The following CEP70 variants were observed in gnomAD, a reference collection of about 807,000 sequenced individuals.
The protein encoded by CEP70 is centrosomal protein of 70 kDa.
Under a neutral mutation model 90.9 loss-of-function variants are expected in CEP70, and 70 were observed. The observed-to-expected ratio is 0.77, with a 90% CI of 0.64 to 0.94. The LOEUF (loss-of-function observed/expected upper bound fraction) is 0.94, where lower values mean the gene tolerates loss of function less well. Among genes scored for constraint, CEP70 ranks in the 40% least tolerant of loss-of-function variants. The pLI is 0.00. For missense variants in CEP70, 648 were observed against 669.0 expected, an observed-to-expected ratio of 0.97 and a Z score of 0.35; for synonymous variants, 220 against 228.3, an observed-to-expected ratio of 0.96 and a Z score of 0.33.
intron 6 of CEP70, among the ~76,000 whole-genome samples, chr3:138,562,190 A>G (rs2040460166): frequency 6.6e-6 from 1 of 152,114 alleles, no homozygotes; most frequent in Non-Finnish European, 1.5e-5. Context: ...AGCCTCCAAG[A>G]AATATGCGAC....
intron 6 of CEP70, among the ~76,000 whole-genome samples, chr3:138,550,268 G>A (rs1244746392): frequency 1.3e-5 from 2 of 152,186 alleles, no homozygotes; most frequent in Non-Finnish European, 2.9e-5. Flanking sequence ...AATCAAGGAG[G>A]CACCAGAGAA....
intron 3 of CEP70, among the ~76,000 whole-genome samples, 163 bp from the exon 4 acceptor site, chr3:138,571,519 T>C (rs2041175216): frequency 6.6e-6 from 1 of 152,202 alleles, no homozygotes; most frequent in Admixed American, 6.5e-5. Context: ...TTATTGTTTC[T>C]AGCAAAATTA....
chr3:138,548,313 T>C (rs2039367312), intron 6 of CEP70, among the ~76,000 whole-genome samples: 1 of 152,208 alleles, frequency 6.6e-6, no homozygotes, highest in African/African-American at 2.4e-5. Context: ...AAAACACTCC[T>C]GGGGAAACTT....
At chr3:138,566,509 T>G (rs964690972) in intron 6 of CEP70, among the ~76,000 whole-genome samples, 26 of 151,186 alleles carry the variant, frequency 1.7e-4, no homozygotes, top group African/African-American at 6.3e-4. Flanking sequence ...AAAGGAGGAG[T>G]GCATGTCCTT....
In CEP70 at chr3:138,567,199, T is replaced by G. The variant is rs538243956; in HGVS notation, c.465+3119A>C. Among the ~76,000 whole-genome samples, 124 of 152,344 alleles carry G rather than the reference T, an allele frequency of 8.1e-4. 1 individual carries two copies. The highest frequency in any genetic ancestry group is 3.6e-3 in the Admixed American group (55 of 15,304). On this transcript the variant is annotated intron_variant, in intron 6 of 17. Coordinates refer to ENST00000264982, the MANE Select transcript of CEP70 (RefSeq NM_024491.4). Reference sequence around the variant, plus strand: ...ATACCTCAAACATTTGCAAATTTCCTTGACCTCTTTGCATATACATACAAA... The same window carrying G: ...ATACCTCAAACATTTGCAAATTTCCGTGACCTCTTTGCATATACATACAAA...
At chr3:138,497,676 T>A in intron 17 of CEP70, 3 of 983,404 alleles carry the variant, frequency 3.1e-6, no homozygotes, top group Middle Eastern at 5.2e-4. Flanking sequence ...ATAGGTGGTA[T>A]CTTAAGAAAA....
chr3:138,518,402 C>A (rs1380333642), intron 11 of CEP70, among the ~76,000 whole-genome samples: 3 of 152,190 alleles, frequency 2.0e-5, no homozygotes, highest in Non-Finnish European at 2.9e-5. Flanking sequence ...GGTCCCTGAC[C>A]CCCGAGTAGC....
At chr3:138,510,989 T>C (rs371181207) in intron 11 of CEP70, among the ~76,000 whole-genome samples, 22 of 151,962 alleles carry the variant, frequency 1.4e-4, no homozygotes, top group African/African-American at 5.3e-4. Flanking sequence ...GCCTCCCAAG[T>C]AGCTGGGATT....
chr3:138,541,305 C>A (rs1484390264), intron 6 of CEP70, among the ~76,000 whole-genome samples: 4 of 151,032 alleles, frequency 2.6e-5, no homozygotes, highest in Admixed American at 1.3e-4. Flanking sequence ...AAGAAGAAAA[C>A]AAAATATAAA....
intron 6 of CEP70, among the ~76,000 whole-genome samples, chr3:138,555,819 A>G (rs2039964603): frequency 6.6e-6 from 1 of 152,216 alleles, no homozygotes; most frequent in African/African-American, 2.4e-5. Flanking sequence ...GCTGGTGGGA[A>G]TGTAAACTAG....
intron 11 of CEP70, among the ~76,000 whole-genome samples, chr3:138,519,975 G>C (rs1405101856): frequency 1.3e-5 from 2 of 152,134 alleles, no homozygotes; most frequent in African/African-American, 4.8e-5. Flanking sequence ...TCAAAATTAA[G>C]GGATGGAGGA....
chr3:138,530,072 G>T (rs1348836183), intron 8 of CEP70, among the ~76,000 whole-genome samples: 2 of 152,120 alleles, frequency 1.3e-5, no homozygotes, highest in African/African-American at 2.4e-5. Context: ...GATACTGAAG[G>T]ACTCTGTGAA....
chr3:138,560,473 G>GTT lies in CEP70; in HGVS notation c.465+9843_465+9844dup, dbSNP rs373625946. Reference sequence around the variant, plus strand: ...TACTGAGCTAGGTGCAGGAGTTTTTGTTTTTTTTTTTTCATACCCCAGTGG... The same window carrying GTT: ...TACTGAGCTAGGTGCAGGAGTTTTTGTTTTTTTTTTTTTTCATACCCCAGTGG... On this transcript the variant is annotated intron_variant, in intron 6 of 17. Transcript: ENST00000264982. 4.2e-3 allele frequency among the ~76,000 whole-genome samples: 600 copies of GTT among 144,418 alleles called. 3 individuals are homozygous for GTT. The highest frequency in any genetic ancestry group is 0.015 in the African/African-American group (578 of 39,538). The allele number at this position is 144,418 out of a possible 152,430, so 94.7% of individuals were successfully genotyped here. A position where few individuals can be genotyped will look rare whatever the true frequency, so the allele number is the denominator to read the frequency against.
chr3:138,503,755 CA>C (rs2034727705), intron 13 of CEP70, among the ~76,000 whole-genome samples: 1 of 152,272 alleles, frequency 6.6e-6, no homozygotes, highest in African/African-American at 2.4e-5. Flanking sequence ...ACCACCATGG[CA>C]AAGCCCTTCT....
chr3:138,546,156 GA>G (rs2039180833), intron 6 of CEP70, among the ~76,000 whole-genome samples: 1 of 152,092 alleles, frequency 6.6e-6, no homozygotes, highest in Non-Finnish European at 1.5e-5. Flanking sequence ...GTCATCCCCG[GA>G]GGCCCAGCTG....
chr3:138,526,170 G>GT (rs915914862), intron 10 of CEP70, among the ~76,000 whole-genome samples: 132 of 151,342 alleles, frequency 8.7e-4, no homozygotes, highest in African/African-American at 2.8e-3. Flanking sequence ...GTTGTTTTTT[G>GT]TTTTTTTTGA....
At chr3:138,537,661 C>T (rs1020014079) in intron 6 of CEP70, among the ~76,000 whole-genome samples, 3 of 152,086 alleles carry the variant, frequency 2.0e-5, no homozygotes, top group Non-Finnish European at 2.9e-5. Flanking sequence ...TTTAAGTTTA[C>T]ATTAAAACAA....
At chr3:138,545,121 T>TG (rs1441617914) in intron 6 of CEP70, among the ~76,000 whole-genome samples, 1 of 152,198 alleles carries the variant, frequency 6.6e-6, no homozygotes, top group East Asian at 1.9e-4. Context: ...TCATTTACCT[T>TG]GATTTGATAA....
intron 6 of CEP70, among the ~76,000 whole-genome samples, chr3:138,545,121 T>G (rs2107888429): frequency 6.6e-6 from 1 of 152,316 alleles, no homozygotes; most frequent in South Asian, 2.1e-4. Flanking sequence ...TCATTTACCT[T>G]GATTTGATAA....
Sources: gnomAD v4.1 joint callset for allele counts (sites outside exome capture counted in the v4.1 genomes callset) on GRCh38, gnomAD v4.1.1 for gene constraint, MANE v1.5 for transcripts, NCBI Gene and HGNC (gene_info 2026-07-23, HGNC 2026-07-21) for gene names.